Variants in ZNF608 observed in about 807,000 individuals in gnomAD.
ZNF608 encodes the protein zinc finger protein 608.
Under a neutral mutation model 109.0 loss-of-function variants are expected in ZNF608, and 12 were observed. The observed-to-expected ratio is 0.11, with a 90% CI of 0.07 to 0.18. The LOEUF (loss-of-function observed/expected upper bound fraction) is 0.18, where lower values mean the gene tolerates loss of function less well. Among genes scored for constraint, ZNF608 ranks in the 10% least tolerant of loss-of-function variants. The probability of loss-of-function intolerance (pLI) is 1.00; values close to 1 mark genes in which losing one functional copy is unlikely to be tolerated. For missense variants in ZNF608, 1,707 were observed against 1,879.3 expected (o/e 0.91, Z 1.70); for synonymous variants, 732 against 717.4 (o/e 1.02, Z -0.33).
At chr5:124,724,320 A>G (rs1010293161) in intron 2 of ZNF608, among the ~76,000 whole-genome samples, 3 of 152,060 alleles carry the variant, frequency 2.0e-5, no homozygotes, top group South Asian at 4.2e-4. Flanking sequence ...GGGAAGTAAA[A>G]CCTACTTTTC....
chr5:124,708,617 T>C (rs1229231369), intron 2 of ZNF608: 5 of 429,930 alleles, frequency 1.2e-5, no homozygotes, highest in Non-Finnish European at 2.3e-5. Flanking sequence ...AAAGCTCAGC[T>C]TTTGTTTTAT....
rs949009715 is a variant in ZNF608 at position 124,654,236 on chromosome 5, G to A, written c.1163-4539C>T. 1.9e-4 allele frequency among the ~76,000 whole-genome samples: 29 copies of A among 151,648 alleles called. 1 individual carries two copies. The highest frequency in any genetic ancestry group is 1.9e-3 in the Admixed American group (29 of 15,226). On this transcript the variant is annotated intron_variant, in intron 3 of 9. Transcript: ENST00000513986. ...GGGCTCTCAGTATGTTGCCCAGGGT[G>A]GTCTTGAACTCCTGGCCTCAAGCAA...
intron 3 of ZNF608, among the ~76,000 whole-genome samples, chr5:124,668,219 A>T (rs1392717099): frequency 4.3e-5 from 6 of 139,998 alleles, no homozygotes; most frequent in Non-Finnish European, 7.8e-5. Context: ...TATATATATT[A>T]TATATATATA....
chr5:124,677,158 A>G (rs1392992008), intron 3 of ZNF608, among the ~76,000 whole-genome samples: 21 of 152,252 alleles, frequency 1.4e-4, no homozygotes, highest in Admixed American at 1.4e-3. Context: ...CTTCACCCAG[A>G]TACATTCATG....
intron 2 of ZNF608, among the ~76,000 whole-genome samples, chr5:124,717,232 T>C (rs1336420507): frequency 6.7e-6 from 1 of 149,078 alleles, no homozygotes; most frequent in Non-Finnish European, 1.5e-5. Flanking sequence ...TTGGGAGGCC[T>C]AGGTGGGCGA....
intron 7 of ZNF608, among the ~76,000 whole-genome samples, chr5:124,643,097 G>A (rs1336287186): frequency 6.6e-6 from 1 of 152,030 alleles, no homozygotes; most frequent in Non-Finnish European, 1.5e-5. Flanking sequence ...TGAAAAGCTT[G>A]ATTTGCCCAA....
At chr5:124,721,253 C>T (rs947773991) in intron 2 of ZNF608, among the ~76,000 whole-genome samples, 1 of 152,146 alleles carries the variant, frequency 6.6e-6, no homozygotes, top group African/African-American at 2.4e-5. Context: ...CCAACGATCT[C>T]TACATGGAAG....
chr5:124,648,486 G>T lies in ZNF608; in HGVS notation c.1898C>A (p.Pro633Gln). 6.2e-7 allele frequency: 1 copy of T among 1,614,198 alleles called. No homozygotes were observed. Among genetic ancestry groups the T allele is most frequent in the Non-Finnish European group, 8.5e-7 (1 of 1,180,034 alleles). The change falls in exon 5 of 10, where the codon CCA becomes CAA. Residue 633 changes from proline to glutamine, a missense_variant. Around this residue, in one of 7 missense-constraint regions of ZNF608, gnomAD observed 1,073 missense variants for 1,133.5 expected, o/e 0.95. Coordinates refer to ENST00000513986, the MANE Select transcript of ZNF608 (RefSeq NM_020747.3). ...KAPASPGAGN[P>Q]PGTPKGKREL... Reference sequence around the variant, plus strand: ...TCTCTTTCCCTTTGGGGTCCCAGGTGGGTTTCCAGCACCAGGGGATGCCGG... The same window carrying T: ...TCTCTTTCCCTTTGGGGTCCCAGGTTGGTTTCCAGCACCAGGGGATGCCGG...
intron 3 of ZNF608, among the ~76,000 whole-genome samples, chr5:124,655,141 A>T (rs1369166119): frequency 6.6e-6 from 1 of 152,174 alleles, no homozygotes; most frequent in East Asian, 1.9e-4. Flanking sequence ...TTACTACCAT[A>T]CTTTTTCAAT....
intron 2 of ZNF608, among the ~76,000 whole-genome samples, chr5:124,728,268 T>C (rs776191694): frequency 2.6e-5 from 4 of 151,710 alleles, no homozygotes; most frequent in Non-Finnish European, 5.9e-5. Flanking sequence ...GGTCATTCAA[T>C]AGGTTGGTAT....
chr5:124,734,267 T>C (rs1749042400), intron 2 of ZNF608, among the ~76,000 whole-genome samples: 1 of 152,208 alleles, frequency 6.6e-6, no homozygotes, highest in Non-Finnish European at 1.5e-5. Context: ...ACTGCCTTGG[T>C]ACTAAAATTC....
chr5:124,731,708 C>A (rs1219372056), intron 2 of ZNF608, among the ~76,000 whole-genome samples: 3 of 152,030 alleles, frequency 2.0e-5, no homozygotes, highest in Non-Finnish European at 4.4e-5. Flanking sequence ...TGTCTGTAAT[C>A]CCAGATACTC....
intron 2 of ZNF608, among the ~76,000 whole-genome samples, chr5:124,704,287 C>T (rs1047453585): frequency 1.1e-4 from 17 of 152,178 alleles, no homozygotes; most frequent in Non-Finnish European, 1.5e-4. Context: ...TGAATTTCTT[C>T]GTTTCTTCAC....
chr5:124,717,911 C>G (rs1324383706), intron 2 of ZNF608, among the ~76,000 whole-genome samples: 1 of 152,168 alleles, frequency 6.6e-6, no homozygotes, highest in Non-Finnish European at 1.5e-5. Flanking sequence ...AAAATGAATC[C>G]TATGGCTGGC....
At chr5:124,656,947 G>C (rs2149798718) in intron 3 of ZNF608, among the ~76,000 whole-genome samples, 1 of 152,044 alleles carries the variant, frequency 6.6e-6, no homozygotes, top group Non-Finnish European at 1.5e-5. Context: ...TGCAGCCTTT[G>C]TTCTGAGGCC....
At chr5:124,644,772 CTAAGT>C in intron 5 of ZNF608, 111 bp from the exon 6 acceptor site, 2 of 908,102 alleles carry the variant, frequency 2.2e-6, no homozygotes, top group Non-Finnish European at 3.2e-6. Context: ...AATTTTAATG[CTAAGT>C]TGACATTTAT....
At position 124,744,518 on chromosome 5, in the gene ZNF608, T is replaced by C. The variant is rs965187472; in HGVS notation, c.472A>G (p.Ser158Gly). The C allele has an allele frequency of 6.8e-6, 11 of 1,614,094 alleles. No homozygotes were observed. Among genetic ancestry groups the C allele is most frequent in the Admixed American group, 6.7e-5 (4 of 60,014 alleles). ...GMNSALGQSV[S>G]SGGSGNPNSN... ...TTTGGGTTGCCGCTGCCGCCGCTGC[T>C]CACACTTTGACCCAGCGCTGAATTC... is the stretch of plus-strand genomic sequence containing the variant. The change falls in exon 2 of 10, where the codon AGC (serine) becomes GGC (glycine). Residue 158 changes from serine to glycine, a missense_variant. Coordinates refer to ENST00000513986, the MANE Select transcript of ZNF608 (RefSeq NM_020747.3). The surrounding 1 kb of genome is among the most constrained non-coding windows in gnomAD (Gnocchi z 4.5).
In ZNF608 at chr5:124,701,021, T is replaced by G. The variant is rs767823538; in HGVS notation, c.1155A>C (p.Thr385=). The change falls in exon 3 of 10, where the codon ACA becomes ACC. Residue 385 remains threonine (T), a synonymous_variant. Transcript: ENST00000513986. ...VNLEGIVWHE[T]EEGVLVVNVT... is the part of the protein sequence containing the mutation. ...AAAATAAATTGTATTTACCTTCTTC[T>G]GTTTCATGCCACACGATCCCTTCCA... is the stretch of plus-strand genomic sequence containing the variant. 6.8e-6 allele frequency: 11 copies of G among 1,614,096 alleles called. No individual in the cohort carries two copies. In the East Asian group the frequency reaches 2.5e-4, roughly 36 times the overall value.
chr5:124,652,169 C>A (rs1750817687), intron 3 of ZNF608, among the ~76,000 whole-genome samples: 1 of 152,242 alleles, frequency 6.6e-6, no homozygotes, highest in Non-Finnish European at 1.5e-5. Context: ...AAAGGCTAAT[C>A]TGCAGTTGCA....
Sources: allele counts gnomAD v4.1 joint callset (sites outside exome capture counted in the v4.1 genomes callset), GRCh38; gene constraint gnomAD v4.1.1; regional missense constraint gnomAD v4.1.1; non-coding constraint Gnocchi (gnomAD v3.1); transcripts MANE v1.5; gene names NCBI Gene and HGNC (gene_info 2026-07-23, HGNC 2026-07-21).